Variants in CNGB3 observed in about 807,000 individuals in gnomAD.
CNGB3 encodes the protein cyclic nucleotide gated channel subunit beta 3.
Under a neutral mutation model 92.8 loss-of-function variants are expected in CNGB3, and 86 were observed. That is an observed-to-expected ratio of 0.93 (90% CI 0.78 to 1.11). The LOEUF (loss-of-function observed/expected upper bound fraction) is 1.11, where lower values mean the gene tolerates loss of function less well. CNGB3 is among the 50% of genes least tolerant of loss of function. The pLI is 0.00. For synonymous variants in CNGB3, 333 were observed against 332.7 expected (o/e 1.00, Z -0.01); for missense variants, 1,026 against 956.8 (o/e 1.07, Z -0.95).
intron 6 of CNGB3, among the ~76,000 whole-genome samples, chr8:86,663,891 G>C (rs1294780259): frequency 6.6e-6 from 1 of 152,024 alleles, no homozygotes; most frequent in Admixed American, 6.6e-5. Flanking sequence ...TATTTTTCTT[G>C]GTTTTAACAC....
intron 3 of CNGB3, among the ~76,000 whole-genome samples, chr8:86,723,185 C>T (rs184674400): frequency 2.0e-5 from 3 of 152,220 alleles, no homozygotes; most frequent in Admixed American, 1.3e-4. Flanking sequence ...GCATTCTCCC[C>T]AGTACCTATT....
intron 3 of CNGB3, among the ~76,000 whole-genome samples, chr8:86,676,875 C>A (rs1823981333): frequency 6.6e-6 from 1 of 152,152 alleles, no homozygotes; most frequent in Non-Finnish European, 1.5e-5. Context: ...GTAACGCTGC[C>A]TTTCCTATTT....
chr8:86,631,237 A>T (rs926157333), intron 11 of CNGB3, among the ~76,000 whole-genome samples: 16 of 152,120 alleles, frequency 1.1e-4, no homozygotes, highest in Admixed American at 9.8e-4. Context: ...CACTAGTCTG[A>T]GGTGGGGCTT....
At chr8:86,599,984 G>T (rs940001332) in intron 15 of CNGB3, among the ~76,000 whole-genome samples, 5 of 152,110 alleles carry the variant, frequency 3.3e-5, no homozygotes, top group Non-Finnish European at 7.4e-5. Flanking sequence ...TGGCTTGTGG[G>T]ACATCACGGA....
intron 2 of CNGB3, among the ~76,000 whole-genome samples, chr8:86,736,479 C>A (rs1032683536): frequency 2.0e-5 from 3 of 151,960 alleles, no homozygotes; most frequent in Non-Finnish European, 4.4e-5. Context: ...TAAGAATAAA[C>A]TTGTCTTTTC....
At chr8:86,720,666 G>A (rs543814282) in intron 3 of CNGB3, among the ~76,000 whole-genome samples, 1 of 152,014 alleles carries the variant, frequency 6.6e-6, no homozygotes, top group Admixed American at 6.6e-5. Flanking sequence ...CGGAGGAAAA[G>A]AAGTCATTAT....
chr8:86,731,846 T>C (rs1421824358), intron 2 of CNGB3, among the ~76,000 whole-genome samples: 1 of 152,050 alleles, frequency 6.6e-6, no homozygotes, highest in Non-Finnish European at 1.5e-5. Context: ...ATAAATTGCT[T>C]AAAAAAAGAA....
chr8:86,643,937 A>G lies in CNGB3; in HGVS notation c.1056-64T>C, dbSNP rs939153155. ...TTTCTGAAATACAGCCTATTTTAAC[A>G]TTTTCTTTTCCTTAAAGTCACCAGC... On this transcript the variant is annotated intron_variant, in intron 9 of 17. Transcript: ENST00000320005. 5.7e-5 allele frequency: 90 copies of G among 1,571,098 alleles called. 3 individuals are homozygous for G. Among genetic ancestry groups the G allele is most frequent in the Non-Finnish European group, 4.6e-5 (53 of 1,152,438 alleles).
Position 86,677,617 on chromosome 8 carries a change from G to A in CNGB3, c.339-6519C>T, listed in dbSNP as rs551140862. ...GGAATTTACTGACATTTACGGCATAGCATAAGAAAAGGAACTGAGAAGTAG... is the reference window on the plus strand; with the variant it reads ...GGAATTTACTGACATTTACGGCATAACATAAGAAAAGGAACTGAGAAGTAG... On this transcript the variant is annotated intron_variant, in intron 3 of 17. Transcript: ENST00000320005. Among the ~76,000 whole-genome samples the A allele has an allele frequency of 1.5e-3, 225 of 152,216 alleles. 7 individuals are homozygous for A. In the South Asian group the frequency reaches 0.035, roughly 24 times the overall value.
At chr8:86,606,146 G>GTTTTT (rs34987710) in intron 14 of CNGB3, among the ~76,000 whole-genome samples, 1 of 91,988 alleles carries the variant, frequency 1.1e-5, no homozygotes, top group Non-Finnish European at 2.3e-5. Flanking sequence ...TTTGGGGTTG[G>GTTTTT]TTTTTTTTTT....
At chr8:86,687,518 C>A (rs527613698) in intron 3 of CNGB3, among the ~76,000 whole-genome samples, 1 of 152,012 alleles carries the variant, frequency 6.6e-6, no homozygotes, top group Non-Finnish European at 1.5e-5. Context: ...ATGTTGAATA[C>A]CAGGAACTGG....
intron 3 of CNGB3, among the ~76,000 whole-genome samples, chr8:86,683,680 T>C (rs1305988170): frequency 6.6e-6 from 1 of 152,148 alleles, no homozygotes; most frequent in Non-Finnish European, 1.5e-5. Flanking sequence ...GATATTCATG[T>C]ACCATTAAAA....
rs774113227 is a variant in CNGB3 at position 86,576,011 on chromosome 8, A to T, written c.2223T>A (p.Asp741Glu). ...EDKGKENEDK[D>E]KGREPEEKPL... ...GCTTCTCTTCTGGCTCTCTTCCTTT[A>T]TCTTTATCTTCATTTTCTTTTCCTT... Residue 741 changes from aspartate to glutamate, a missense_variant, in exon 18 of 18, where the codon GAT (aspartate) becomes GAA (glutamate). Physicochemically the swap from Asp to Glu is conservative, Grantham distance 45. Coordinates refer to ENST00000320005, the MANE Select transcript of CNGB3 (RefSeq NM_019098.5). 1 of 1,612,386 alleles carries T rather than the reference A, an allele frequency of 6.2e-7. No homozygotes were observed. Among genetic ancestry groups the T allele is most frequent in the Middle Eastern group, 1.7e-4 (1 of 6,048 alleles).
intron 6 of CNGB3, chr8:86,657,717 C>T (rs1038379971): frequency 2.8e-5 from 13 of 471,808 alleles, no homozygotes; most frequent in African/African-American, 6.0e-5. Flanking sequence ...GCCCACAAGC[C>T]GCAACACCAG....
chr8:86,653,182 A>G (rs1215455904), intron 7 of CNGB3, among the ~76,000 whole-genome samples: 1 of 152,110 alleles, frequency 6.6e-6, no homozygotes, highest in East Asian at 1.9e-4. Flanking sequence ...TCCTTATTCA[A>G]ACTCAGGAAA....
chr8:86,628,141 C>T lies in CNGB3; in HGVS notation c.1480+778G>A, dbSNP rs113614180. Among the ~76,000 whole-genome samples the T allele has an allele frequency of 7.5e-4, 114 of 152,216 alleles. 1 individual carries two copies. In the South Asian group the frequency reaches 0.012, roughly 16 times the overall value. On this transcript the variant is annotated intron_variant, in intron 12 of 17. Transcript: ENST00000320005. The stretch of plus-strand genomic sequence containing the variant: ...ACAGTAGCCTATTAGTAGTTCAGTT[C>T]TGGGGGAGTCAAAAGTTATATGTGG...
intron 13 of CNGB3, among the ~76,000 whole-genome samples, chr8:86,613,118 G>T (rs1301529900): frequency 1.3e-5 from 2 of 152,134 alleles, no homozygotes; most frequent in African/African-American, 4.8e-5. Context: ...TTGAGGATGA[G>T]GATGATTTGT....
intron 3 of CNGB3, among the ~76,000 whole-genome samples, chr8:86,694,362 C>G (rs897473263): frequency 1.3e-5 from 2 of 150,458 alleles, no homozygotes; most frequent in Admixed American, 6.6e-5. Flanking sequence ...CTGACCCCCC[C>G]ACTTCCCTCC....
rs537673373 is a variant in CNGB3, at chr8:86,581,155, T to C, written c.1782-1903A>G. Among the ~76,000 whole-genome samples, 34 of 152,324 alleles carry C rather than the reference T, an allele frequency of 2.2e-4. 1 individual carries two copies. In the South Asian group the frequency reaches 7.0e-3, roughly 32 times the overall value. On this transcript the variant is annotated intron_variant, in intron 15 of 17. Transcript: ENST00000320005. Reference sequence around the variant, plus strand: ...ACAATTGAAAAATTAACGACTTTTCTTAGATCCTTCAGAGAACTGAAGTCA... The same window carrying C: ...ACAATTGAAAAATTAACGACTTTTCCTAGATCCTTCAGAGAACTGAAGTCA...
Sources: gnomAD v4.1 joint callset for allele counts (sites outside exome capture counted in the v4.1 genomes callset) on GRCh38, gnomAD v4.1.1 for gene constraint, MANE v1.5 for transcripts, NCBI Gene and HGNC (gene_info 2026-07-23, HGNC 2026-07-21) for gene names.